The following EGFLAM variants were observed in gnomAD, a reference collection of about 807,000 sequenced individuals.
The protein encoded by EGFLAM is EGF like, fibronectin type III and laminin G domains, also known as pikachurin.
Under a neutral mutation model 113.1 loss-of-function variants are expected in EGFLAM, and 79 were observed. That is an observed-to-expected ratio of 0.70 (90% CI 0.58 to 0.84). The LOEUF (loss-of-function observed/expected upper bound fraction) is 0.84, where lower values mean the gene tolerates loss of function less well. Among genes scored for constraint, EGFLAM ranks in the 40% least tolerant of loss-of-function variants. The pLI, the probability that EGFLAM is intolerant of heterozygous loss-of-function variation, is 0.00. For missense variants in EGFLAM, 1,265 were observed against 1,291.6 expected (o/e 0.98, Z 0.32); for synonymous variants, 504 against 487.6 (o/e 1.03, Z -0.44).
intron 19 of EGFLAM, among the ~76,000 whole-genome samples, chr5:38,456,890 T>C (rs145355315): frequency 4.1e-4 from 63 of 152,358 alleles, no homozygotes; most frequent in African/African-American, 1.4e-3. Context: ...TTTATTGTAT[T>C]ATCCAGGGAA....
At chr5:38,438,762 G>A (rs1742440597) in intron 17 of EGFLAM, among the ~76,000 whole-genome samples, 1 of 152,108 alleles carries the variant, frequency 6.6e-6, no homozygotes, top group Non-Finnish European at 1.5e-5. Context: ...AACAGAGTAG[G>A]GGTTTCCAGG....
At chr5:38,261,694 G>T (rs1002426977) in intron 1 of EGFLAM, among the ~76,000 whole-genome samples, 8 of 152,190 alleles carry the variant, frequency 5.3e-5, no homozygotes, top group Admixed American at 3.3e-4. Flanking sequence ...TGGGGATCCT[G>T]CGTTGCTCTT....
At chr5:38,399,709 G>A (rs146330208) in intron 6 of EGFLAM, 3 of 152,270 alleles carry the variant, frequency 2.0e-5, no homozygotes, top group African/African-American at 2.4e-5. Context: ...GCAGTACTTC[G>A]GGAGACTCTA....
At chr5:38,463,775 T>C in intron 21 of EGFLAM, 57 bp from the exon 22 acceptor site, 1 of 1,596,124 alleles carries the variant, frequency 6.3e-7, no homozygotes, top group Non-Finnish European at 8.6e-7. Flanking sequence ...AACCCCGACC[T>C]TGCCCTGCGG....
chr5:38,396,216 G>A (rs1437542787), intron 6 of EGFLAM, among the ~76,000 whole-genome samples: 1 of 152,014 alleles, frequency 6.6e-6, no homozygotes, highest in Non-Finnish European at 1.5e-5. Context: ...AAGTGTAAAT[G>A]ATAAGGAATG....
intron 16 of EGFLAM, among the ~76,000 whole-genome samples, chr5:38,435,953 G>A (rs1365178249): frequency 2.0e-5 from 3 of 151,970 alleles, no homozygotes; most frequent in East Asian, 3.9e-4. Context: ...GAATAGCTGG[G>A]ATTACAGGTG....
At chr5:38,317,540 T>C (rs1373222932) in intron 1 of EGFLAM, among the ~76,000 whole-genome samples, 2 of 152,242 alleles carry the variant, frequency 1.3e-5, no homozygotes, top group Non-Finnish European at 2.9e-5. Flanking sequence ...CAATAAATTA[T>C]AGCTGTTATC....
At chr5:38,273,153 A>G (rs771706914) in intron 1 of EGFLAM, among the ~76,000 whole-genome samples, 4 of 152,206 alleles carry the variant, frequency 2.6e-5, no homozygotes, top group Admixed American at 6.5e-5. Flanking sequence ...TTCCCCAGCA[A>G]TAGGCAGCAC....
intron 6 of EGFLAM, chr5:38,402,222 T>C (rs1228304507): frequency 6.6e-6 from 1 of 152,204 alleles, no homozygotes; most frequent in Non-Finnish European, 1.5e-5. Context: ...TTAAAGAGTA[T>C]TTTTTAAAAA....
intron 1 of EGFLAM, among the ~76,000 whole-genome samples, chr5:38,263,231 G>A (rs1346555897): frequency 1.3e-5 from 2 of 152,228 alleles, no homozygotes; most frequent in African/African-American, 2.4e-5. Flanking sequence ...GAAGGCCAAG[G>A]TGGGCAGATC....
chr5:38,394,566 C>T (rs970558646), intron 6 of EGFLAM, among the ~76,000 whole-genome samples: 6 of 151,770 alleles, frequency 4.0e-5, no homozygotes, highest in Non-Finnish European at 7.4e-5. Context: ...CCCGCCACCA[C>T]GCCCGGCTAA....
At chr5:38,306,340 T>G (rs1466754830) in intron 1 of EGFLAM, among the ~76,000 whole-genome samples, 1 of 152,172 alleles carries the variant, frequency 6.6e-6, no homozygotes, top group African/African-American at 2.4e-5. Context: ...GTATCTCTTC[T>G]AAGACAATGG....
intron 1 of EGFLAM, among the ~76,000 whole-genome samples, chr5:38,323,580 G>A (rs946581562): frequency 6.6e-6 from 1 of 152,094 alleles, no homozygotes. Context: ...CGTTATTGGT[G>A]AAACAAGTGT....
At position 38,310,594 on chromosome 5, in the gene EGFLAM, T is replaced by C. The variant is rs530432093; in HGVS notation, c.98-26926T>C. On this transcript the variant is annotated intron_variant, in intron 1 of 21. Coordinates refer to ENST00000322350, the MANE Select transcript of EGFLAM (RefSeq NM_152403.4). ...CCTCCTTCTCTAGGAATCTCTCTGA[T>C]TGAGTGTTATGATTTAACTCCCAAA... Among the ~76,000 whole-genome samples the C allele has an allele frequency of 4.1e-4, 63 of 152,250 alleles. 1 individual carries two copies. The highest frequency in any genetic ancestry group is 3.6e-3 in the Admixed American group (55 of 15,292).
At chr5:38,313,778 T>C (rs1398176172) in intron 1 of EGFLAM, among the ~76,000 whole-genome samples, 1 of 152,192 alleles carries the variant, frequency 6.6e-6, no homozygotes, top group Non-Finnish European at 1.5e-5. Flanking sequence ...TATTTGAATG[T>C]TTTTCTGTGT....
intron 1 of EGFLAM, among the ~76,000 whole-genome samples, chr5:38,273,558 G>A (rs1428258): frequency 0.41 from 62,762 of 151,926 alleles, 13,470 homozygotes; most frequent in Middle Eastern, 0.56. Flanking sequence ...ATTCTAGCCC[G>A]TGCTGTGACA....
At chr5:38,356,661 G>C (rs539778744) in intron 5 of EGFLAM, among the ~76,000 whole-genome samples, 1 of 152,304 alleles carries the variant, frequency 6.6e-6, no homozygotes, top group South Asian at 2.1e-4. Context: ...CTGAGGAAAT[G>C]AGAAACCTCA....
At chr5:38,443,315 G>A (rs1329113728) in intron 17 of EGFLAM, among the ~76,000 whole-genome samples, 1 of 152,184 alleles carries the variant, frequency 6.6e-6, no homozygotes, top group Admixed American at 6.5e-5. Context: ...ATGTATTTAT[G>A]CACTAAAATG....
chr5:38,451,467 C>G lies in EGFLAM; in HGVS notation c.2687+9C>G. The G allele has an allele frequency of 6.2e-7, 1 of 1,613,318 alleles. No homozygotes were observed. Among genetic ancestry groups the G allele is most frequent in the African/African-American group, 1.3e-5 (1 of 75,028 alleles). On this transcript the variant is annotated intron_variant, in intron 19 of 21. Transcript: ENST00000322350. ...GGAGCCCTCGTGTTCAGGTAACCCCCTCTCCATCTGCCTTCAGCAGCACCT... is the reference window on the plus strand; with the variant it reads ...GGAGCCCTCGTGTTCAGGTAACCCCGTCTCCATCTGCCTTCAGCAGCACCT...
Sources: allele counts gnomAD v4.1 joint callset (sites outside exome capture counted in the v4.1 genomes callset), GRCh38; gene constraint gnomAD v4.1.1; transcripts MANE v1.5; gene names NCBI Gene and HGNC (gene_info 2026-07-23, HGNC 2026-07-21).